SDK1: variants seen among roughly 807,000 people sequenced by gnomAD.
SDK1 encodes the protein protein sidekick-1.
SDK1 carries 157 observed loss-of-function variants against 245.5 expected under a neutral mutation model. That is an observed-to-expected ratio of 0.64 (90% CI 0.56 to 0.73). The LOEUF (loss-of-function observed/expected upper bound fraction) is 0.73, where lower values mean the gene tolerates loss of function less well. SDK1 is among the 30% of genes least tolerant of loss of function. The pLI is 0.00. For synonymous variants in SDK1, 1,647 were observed against 1,278.5 expected (o/e 1.29, Z -6.15); for missense variants, 3,583 against 3,002.3 (o/e 1.19, Z -4.52).
chr7:3,607,625 T>G (rs1462027418), intron 1 of SDK1, among the ~76,000 whole-genome samples: 1 of 152,244 alleles, frequency 6.6e-6, no homozygotes, highest in African/African-American at 2.4e-5. Flanking sequence ...GTATGAATGC[T>G]TTCTTTTCTT....
At chr7:4,130,543 C>T (rs1784738046) in intron 27 of SDK1, 1 of 159,534 alleles carries the variant, frequency 6.3e-6, no homozygotes, top group Non-Finnish European at 1.4e-5. Context: ...GGACCTCATG[C>T]CTTACTTCCC....
chr7:3,445,846 T>A (rs1005908454), intron 1 of SDK1, among the ~76,000 whole-genome samples: 3 of 152,120 alleles, frequency 2.0e-5, no homozygotes, highest in African/African-American at 7.2e-5. Context: ...TTGCTTATGT[T>A]TTTTCTTCCT....
intron 1 of SDK1, among the ~76,000 whole-genome samples, chr7:3,345,771 ATGT>A (rs554770348): frequency 3.2e-4 from 48 of 152,228 alleles, no homozygotes; most frequent in Admixed American, 8.5e-4. Context: ...GTAGTAAATA[ATGT>A]TGTTCCATGA....
chr7:3,988,745 G>A (rs1394283377), intron 14 of SDK1, among the ~76,000 whole-genome samples: 2 of 152,058 alleles, frequency 1.3e-5, no homozygotes, highest in Admixed American at 6.6e-5. Context: ...AAGCTCTCCA[G>A]CACGCCAGCC....
intron 25 of SDK1, among the ~76,000 whole-genome samples, chr7:4,126,438 T>A (rs987694226): frequency 6.6e-6 from 1 of 152,256 alleles, no homozygotes; most frequent in Admixed American, 6.5e-5. Flanking sequence ...ATCTTACATG[T>A]GGGCCGGGAG....
chr7:3,783,695 A>G (rs2115014982), intron 4 of SDK1, among the ~76,000 whole-genome samples: 1 of 152,290 alleles, frequency 6.6e-6, no homozygotes, highest in South Asian at 2.1e-4. Flanking sequence ...AAATGTTGAT[A>G]AAAAAGTTGA....
In SDK1 at chr7:4,268,331, C is replaced by T. The variant is rs577022514; in HGVS notation, c.*2947C>T. 1.1e-4 allele frequency: 114 copies of T among 1,040,410 alleles called. 1 individual carries two copies. The highest frequency in any genetic ancestry group is 6.8e-4 in the South Asian group (21 of 30,736). The allele number at this position is 1,040,410 out of a possible 1,614,324, so 64.4% of individuals were successfully genotyped here. On this transcript the variant is annotated 3_prime_UTR_variant, in exon 45 of 45. Transcript: ENST00000404826. ...GGGCAGAGATTCCAGGCAGGTGAGCCCAGAGAGAGCTGCCAGGCCACACCC... is the reference window on the plus strand; with the variant it reads ...GGGCAGAGATTCCAGGCAGGTGAGCTCAGAGAGAGCTGCCAGGCCACACCC...
intron 1 of SDK1, among the ~76,000 whole-genome samples, chr7:3,596,123 C>T (rs561947475): frequency 2.7e-5 from 4 of 148,464 alleles, no homozygotes. Context: ...TGAAATGCTC[C>T]AGTGAGCATT....
intron 5 of SDK1, among the ~76,000 whole-genome samples, chr7:3,885,639 T>C (rs914894373): frequency 2.6e-5 from 4 of 152,188 alleles, no homozygotes; most frequent in African/African-American, 4.8e-5. Flanking sequence ...CTTTCCTAAG[T>C]TGATAAACGC....
At chr7:3,539,206 C>G (rs934166760) in intron 1 of SDK1, among the ~76,000 whole-genome samples, 2 of 152,148 alleles carry the variant, frequency 1.3e-5, no homozygotes, top group South Asian at 4.1e-4. Flanking sequence ...CAGGGGATCT[C>G]ACTTGGACCT....
intron 1 of SDK1, among the ~76,000 whole-genome samples, chr7:3,380,226 A>G (rs980683455): frequency 6.6e-6 from 1 of 152,224 alleles, no homozygotes; most frequent in Non-Finnish European, 1.5e-5. Flanking sequence ...TATCCGCAAC[A>G]TTATAAAGAT....
intron 4 of SDK1, among the ~76,000 whole-genome samples, chr7:3,722,204 A>T (rs1372075382): frequency 6.6e-6 from 1 of 152,100 alleles, no homozygotes; most frequent in African/African-American, 2.4e-5. Flanking sequence ...TCTTGCTAAG[A>T]TTGGCCCATA....
chr7:3,592,484 T>C (rs1019709873), intron 1 of SDK1, among the ~76,000 whole-genome samples: 2 of 152,250 alleles, frequency 1.3e-5, no homozygotes, highest in East Asian at 3.8e-4. Flanking sequence ...TTTCTTTCTC[T>C]CTACCTCCTC....
intron 4 of SDK1, among the ~76,000 whole-genome samples, chr7:3,676,577 G>A (rs996892510): frequency 4.6e-5 from 7 of 151,854 alleles, no homozygotes; most frequent in Admixed American, 4.6e-4. Context: ...TGCCCACCTT[G>A]GCCTCCCAAA....
chr7:3,435,541 T>C (rs1283454424), intron 1 of SDK1, among the ~76,000 whole-genome samples: 1 of 151,552 alleles, frequency 6.6e-6, no homozygotes, highest in Non-Finnish European at 1.5e-5. Context: ...TTATTTTGTA[T>C]TTTAGTAGAG....
intron 42 of SDK1, 121 bp from the exon 43 acceptor site, chr7:4,241,672 C>A: frequency 8.1e-7 from 1 of 1,229,284 alleles, no homozygotes; most frequent in Non-Finnish European, 1.1e-6. Flanking sequence ...CAGGTATCCT[C>A]AGCTCTGGGC....
chr7:3,423,896 T>C (rs895913403), intron 1 of SDK1, among the ~76,000 whole-genome samples: 1 of 152,052 alleles, frequency 6.6e-6, no homozygotes, highest in Non-Finnish European at 1.5e-5. Flanking sequence ...ATTAAACAAA[T>C]GGTTCTTGGC....
intron 17 of SDK1, among the ~76,000 whole-genome samples, chr7:4,032,026 CAAA>C (rs1190606605): frequency 2.6e-4 from 19 of 73,212 alleles, no homozygotes; most frequent in African/African-American, 4.1e-4. Flanking sequence ...GACTCTGCCT[CAAA>C]AAAAAAAAAA....
intron 25 of SDK1, among the ~76,000 whole-genome samples, chr7:4,122,899 G>T (rs1784159009): frequency 6.6e-6 from 1 of 152,176 alleles, no homozygotes; most frequent in South Asian, 2.1e-4. Context: ...GTCCTCGTAG[G>T]ATTTAAATGC....
Sources: gnomAD v4.1 joint callset for allele counts (sites outside exome capture counted in the v4.1 genomes callset) on GRCh38, gnomAD v4.1.1 for gene constraint, MANE v1.5 for transcripts, NCBI Gene and HGNC (gene_info 2026-07-23, HGNC 2026-07-21) for gene names.